The following EYA1 variants were observed in gnomAD, a reference collection of about 807,000 sequenced individuals.
The protein encoded by EYA1 is protein phosphatase EYA1.
A neutral mutation model predicts 82.0 loss-of-function variants in EYA1; 16 were observed. The ratio of observed to expected loss-of-function variants is 0.20; its 90% CI spans 0.13 to 0.30. The LOEUF is 0.30. EYA1 is among the 10% of genes least tolerant of loss of function. The pLI is 1.00. For missense variants in EYA1, 633 were observed against 730.7 expected (o/e 0.87, Z 1.54); for synonymous variants, 261 against 264.4 (o/e 0.99, Z 0.12).
chr8:71,315,985 T>C (rs751642415), intron 7 of EYA1, among the ~76,000 whole-genome samples: 51 of 151,928 alleles, frequency 3.4e-4, no homozygotes, highest in Admixed American at 1.2e-3. Flanking sequence ...TTAAAAATGA[T>C]AAATAAAAAA....
chr8:71,493,831 G>T (rs1042914716), intron 2 of EYA1, among the ~76,000 whole-genome samples: 3 of 149,452 alleles, frequency 2.0e-5, no homozygotes, highest in African/African-American at 7.3e-5. Context: ...AGACCATCCC[G>T]GCTAAAACGG....
chr8:71,502,814 C>T (rs879063793), intron 2 of EYA1, among the ~76,000 whole-genome samples: 2 of 152,156 alleles, frequency 1.3e-5, no homozygotes, highest in Admixed American at 1.3e-4. Context: ...AATCTTGCCT[C>T]CCTGTAAAAC....
intron 12 of EYA1, among the ~76,000 whole-genome samples, chr8:71,239,712 A>C (rs1812251171): frequency 6.6e-6 from 1 of 152,182 alleles, no homozygotes; most frequent in Non-Finnish European, 1.5e-5. Flanking sequence ...GCAGCAAAGA[A>C]CTACAGTGTC....
In EYA1 at chr8:71,396,946, G is replaced by A. The variant is rs144696776; in HGVS notation, c.34-40435C>T. On this transcript the variant is annotated intron_variant, in intron 2 of 18. Transcript: ENST00000643681. ...CTAAATCTCTTTATAGGTCTCTAAGGACTTGCTTTATGAATCTGGGTGCTC... is the reference window on the plus strand; with the variant it reads ...CTAAATCTCTTTATAGGTCTCTAAGAACTTGCTTTATGAATCTGGGTGCTC... Among the ~76,000 whole-genome samples, 306 of 152,214 alleles carry A rather than the reference G, an allele frequency of 2.0e-3. 1 individual carries two copies. Among genetic ancestry groups the A allele is most frequent in the African/African-American group, 6.8e-3 (282 of 41,532 alleles).
rs1402504205 is a variant in EYA1 at position 71,306,448 on chromosome 8, G to T, written c.557-6728C>A. Among the ~76,000 whole-genome samples, 3 of 152,102 alleles carry T rather than the reference G, an allele frequency of 2.0e-5. 1 individual carries two copies. The South Asian group carries it at 6.2e-4, about 32-fold the overall frequency. ...AAATGTTACGATTCTGAATTGCCGG[G>T]GGTGGGGGAAAAGCTAGAGAACCCT... On this transcript the variant is annotated intron_variant, in intron 7 of 17. Transcript: ENST00000340726.
intron 11 of EYA1, among the ~76,000 whole-genome samples, chr8:71,253,444 T>C (rs1813995500): frequency 6.6e-6 from 1 of 152,224 alleles, no homozygotes; most frequent in South Asian, 2.1e-4. Flanking sequence ...AAAGGTGGTC[T>C]ATTCTTTGGC....
intron 2 of EYA1, among the ~76,000 whole-genome samples, chr8:71,448,025 T>TTTTTTTTTTTTTTTTAGGTAACGGAG (rs935912194): frequency 0.034 from 3,955 of 116,334 alleles, 726 homozygotes; most frequent in African/African-American, 0.12. Context: ...TTTTTTTTTT[T>TTTTTTTTTTTTTTTTAGGTAACGGAG]TCTCGCTCCG....
intron 9 of EYA1, among the ~76,000 whole-genome samples, chr8:71,295,613 G>A (rs879389524): frequency 3.9e-5 from 6 of 152,194 alleles, no homozygotes; most frequent in Non-Finnish European, 7.3e-5. Context: ...ATTCATTGCT[G>A]ATGAGAATAC....
At chr8:71,327,866 T>C (rs891685041) in intron 4 of EYA1, among the ~76,000 whole-genome samples, 1 of 149,052 alleles carries the variant, frequency 6.7e-6, no homozygotes, top group South Asian at 2.2e-4. Context: ...TTTTTTTTTT[T>C]TTTTTTTTGA....
intron 4 of EYA1, among the ~76,000 whole-genome samples, chr8:71,332,237 C>T (rs1022726152): frequency 1.3e-5 from 2 of 152,274 alleles, no homozygotes; most frequent in East Asian, 1.9e-4. Flanking sequence ...GTTCTGTCTT[C>T]AACTTTGTTT....
At chr8:71,511,677 G>A (rs897569588) in intron 2 of EYA1, among the ~76,000 whole-genome samples, 4 of 152,164 alleles carry the variant, frequency 2.6e-5, no homozygotes, top group Admixed American at 2.0e-4. Flanking sequence ...TATCCACAAA[G>A]CTGTTAGACA....
At chr8:71,261,707 T>C (rs1815131094) in intron 11 of EYA1, among the ~76,000 whole-genome samples, 1 of 152,078 alleles carries the variant, frequency 6.6e-6, no homozygotes, top group Non-Finnish European at 1.5e-5. Flanking sequence ...CAAGAAGTGG[T>C]ACAAAGAGGG....
At chr8:71,455,428 T>C (rs985649500) in intron 2 of EYA1, among the ~76,000 whole-genome samples, 5 of 152,166 alleles carry the variant, frequency 3.3e-5, no homozygotes, top group Non-Finnish European at 7.4e-5. Flanking sequence ...ATTACCCTGA[T>C]ACCAAAGTCT....
At chr8:71,280,793 G>C (rs1817730506) in intron 9 of EYA1, among the ~76,000 whole-genome samples, 2 of 151,966 alleles carry the variant, frequency 1.3e-5, no homozygotes, top group African/African-American at 4.8e-5. Context: ...CTGTCACCTA[G>C]GCTGCAATAC....
In EYA1 at chr8:71,436,519, T is replaced by C. The variant is rs1226994257; in HGVS notation, c.34-80008A>G. On this transcript the variant is annotated intron_variant, in intron 2 of 18. Transcript: ENST00000643681. ...GGTTTTTAAATGAATAAAAATTGAT[T>C]GTGTCCCTATAAAAACTAAATTGGC... Among the ~76,000 whole-genome samples the C allele has an allele frequency of 2.0e-5, 3 of 152,150 alleles. No individual in the cohort carries two copies. The East Asian group carries it at 5.8e-4, about 29-fold the overall frequency.
intron 12 of EYA1, among the ~76,000 whole-genome samples, chr8:71,235,963 T>C (rs1811779582): frequency 6.6e-6 from 1 of 152,204 alleles, no homozygotes; most frequent in Non-Finnish European, 1.5e-5. Context: ...AACTTGAAAA[T>C]ATATCGTCGT....
At chr8:71,342,085 G>T (rs577173862) in intron 3 of EYA1, among the ~76,000 whole-genome samples, 8 of 152,222 alleles carry the variant, frequency 5.3e-5, no homozygotes, top group African/African-American at 1.4e-4. Flanking sequence ...TGCAATCTGA[G>T]AAGATTACAT....
intron 2 of EYA1, among the ~76,000 whole-genome samples, chr8:71,468,737 G>A (rs1010601483): frequency 1.1e-4 from 17 of 151,928 alleles, no homozygotes; most frequent in Admixed American, 6.6e-5. Flanking sequence ...AGTAATTCCG[G>A]GTTCACCATG....
intron 4 of EYA1, among the ~76,000 whole-genome samples, chr8:71,328,299 A>T (rs993651665): frequency 5.9e-5 from 9 of 152,090 alleles, no homozygotes; most frequent in African/African-American, 2.2e-4. Flanking sequence ...CAGTATGTTG[A>T]TTTTTGTCTC....
Sources: gnomAD v4.1 joint callset for allele counts (sites outside exome capture counted in the v4.1 genomes callset) on GRCh38, gnomAD v4.1.1 for gene constraint, MANE v1.5 for transcripts, NCBI Gene and HGNC (gene_info 2026-07-23, HGNC 2026-07-21) for gene names.